Variants in APBA2 observed in about 807,000 individuals in gnomAD.
APBA2 encodes the protein amyloid beta precursor protein binding family A member 2, also known as amyloid-beta A4 precursor protein-binding family A member 2.
In APBA2, 30 loss-of-function variants were observed where a neutral mutation model predicts 75.0. The ratio of observed to expected loss-of-function variants is 0.40; its 90% confidence interval spans 0.30 to 0.54. APBA2 has a LOEUF of 0.54. APBA2 is among the 20% of genes least tolerant of loss of function. The pLI, the probability that APBA2 is intolerant of heterozygous loss-of-function variation, is 0.49. For synonymous variants in APBA2, 444 were observed against 409.6 expected, an observed-to-expected ratio of 1.08 and a Z score of -1.01; for missense variants, 801 against 1,016.1, an observed-to-expected ratio of 0.79 and a Z score of 2.88.
chr15:28,925,389 T>A (rs1000491625), intron 2 of APBA2, among the ~76,000 whole-genome samples: 2 of 152,218 alleles, frequency 1.3e-5, no homozygotes, highest in Non-Finnish European at 2.9e-5. Context: ...CTTCATAAAG[T>A]GAGGAAGTGT....
intron 2 of APBA2, among the ~76,000 whole-genome samples, chr15:28,979,294 A>C (rs954831088): frequency 2.0e-5 from 3 of 152,088 alleles, no homozygotes; most frequent in Non-Finnish European, 4.4e-5. Context: ...ATTCCTCAGC[A>C]TCACATGGTC....
chr15:29,076,006 A>G (rs1429561976), intron 5 of APBA2, 49 bp from the exon 6 acceptor site: 6 of 1,564,550 alleles, frequency 3.8e-6, no homozygotes, highest in African/African-American at 1.4e-5. Flanking sequence ...CTTGTGGGCT[A>G]CCTACTTAAC....
intron 2 of APBA2, among the ~76,000 whole-genome samples, chr15:28,994,892 G>C (rs927179981): frequency 1.3e-5 from 2 of 152,216 alleles, no homozygotes; most frequent in African/African-American, 4.8e-5. Context: ...TGAAGGGCTC[G>C]CAGCCTGGCC....
At position 28,991,409 on chromosome 15, in the gene APBA2, G is replaced by A. The variant is rs929392915; in HGVS notation, c.-94-4344G>A. On this transcript the variant is annotated intron_variant, in intron 2 of 14. Coordinates refer to ENST00000683413, the MANE Select transcript of APBA2 (RefSeq NM_001353788.2). The surrounding 1 kb of genome is among the most constrained non-coding windows in gnomAD (Gnocchi z 4.7). ...GAGCTACAGGGCCGGGCCGCAGGAG[G>A]CGTCCTTGTGCCGGAGCTCACCTTG... 1.3e-5 allele frequency among the ~76,000 whole-genome samples: 2 copies of A among 152,280 alleles called. No individual in the cohort carries two copies. The highest frequency in any genetic ancestry group is 6.5e-5 in the Admixed American group (1 of 15,302).
intron 14 of APBA2, among the ~76,000 whole-genome samples, chr15:29,114,564 C>T (rs867670938): frequency 4.6e-5 from 7 of 151,808 alleles, no homozygotes; most frequent in South Asian, 2.1e-4. Context: ...CTGGCCAGTG[C>T]GCAGCGGGTG....
intron 3 of APBA2, among the ~76,000 whole-genome samples, chr15:28,997,811 T>A (rs557587615): frequency 2.0e-5 from 3 of 152,138 alleles, no homozygotes; most frequent in Non-Finnish European, 4.4e-5. Flanking sequence ...TATTAGACGA[T>A]CAAAATCAAT....
intron 14 of APBA2, 44 bp from the exon 15 acceptor site, chr15:29,117,018 G>A: frequency 6.3e-7 from 1 of 1,585,998 alleles, no homozygotes; most frequent in African/African-American, 1.3e-5. Context: ...TTGTGGGAGG[G>A]GAGGTGGGAG....
intron 2 of APBA2, among the ~76,000 whole-genome samples, chr15:28,961,014 C>T (rs757511561): frequency 1.3e-5 from 2 of 152,144 alleles, no homozygotes; most frequent in Non-Finnish European, 2.9e-5. Context: ...CTGCCTCAGC[C>T]TCCCAGAGTG....
intron 3 of APBA2, among the ~76,000 whole-genome samples, chr15:29,032,184 G>T (rs545799138): frequency 1.3e-5 from 2 of 152,366 alleles, no homozygotes; most frequent in South Asian, 2.1e-4. Flanking sequence ...AGTCATGATG[G>T]TTAGTTTTGT....
At chr15:28,931,583 A>C (rs899957111) in intron 2 of APBA2, among the ~76,000 whole-genome samples, 1 of 152,146 alleles carries the variant, frequency 6.6e-6, no homozygotes, top group African/African-American at 2.4e-5. Flanking sequence ...CAGCCGGGGA[A>C]GCATCTGGCT....
intron 1 of APBA2, 89 bp from the exon 2 acceptor site, chr15:28,921,551 C>A (rs995266935): frequency 2.0e-5 from 3 of 152,244 alleles, no homozygotes; most frequent in African/African-American, 7.2e-5. Context: ...CCATCGTTGC[C>A]ATCCACACCT....
intron 7 of APBA2, among the ~76,000 whole-genome samples, chr15:29,093,538 T>C (rs2043690931): frequency 6.6e-6 from 1 of 152,270 alleles, no homozygotes; most frequent in African/African-American, 2.4e-5. Flanking sequence ...TGTGTATTTT[T>C]AGTGCCATTC....
chr15:28,961,832 A>G (rs941378421), intron 2 of APBA2, among the ~76,000 whole-genome samples: 3 of 152,116 alleles, frequency 2.0e-5, no homozygotes, highest in Non-Finnish European at 1.5e-5. Context: ...TAGATCCCGG[A>G]CGTTAGTATT....
At chr15:29,083,570 G>A (rs1468953362) in intron 6 of APBA2, among the ~76,000 whole-genome samples, 5 of 151,954 alleles carry the variant, frequency 3.3e-5, no homozygotes, top group African/African-American at 7.3e-5. Flanking sequence ...TCACTCTGTC[G>A]CCCAGGCTGG....
intron 1 of APBA2, among the ~76,000 whole-genome samples, chr15:28,896,872 A>T (rs964970699): frequency 6.6e-6 from 1 of 152,194 alleles, no homozygotes; most frequent in African/African-American, 2.4e-5. Flanking sequence ...TTAATTTGGG[A>T]CTGATTTTTG....
chr15:28,989,704 A>G (rs2038117829), intron 2 of APBA2, among the ~76,000 whole-genome samples: 1 of 152,220 alleles, frequency 6.6e-6, no homozygotes, highest in African/African-American at 2.4e-5. Flanking sequence ...TTAGGAGAGA[A>G]CAATGACGAG....
intron 2 of APBA2, among the ~76,000 whole-genome samples, chr15:28,981,285 C>T (rs979878525): frequency 1.3e-5 from 2 of 152,162 alleles, no homozygotes; most frequent in African/African-American, 4.8e-5. Flanking sequence ...CACAACTCTA[C>T]AAGGAGCTTA....
intron 2 of APBA2, among the ~76,000 whole-genome samples, chr15:28,927,378 A>G (rs1226454752): frequency 6.7e-6 from 1 of 149,224 alleles, no homozygotes; most frequent in Non-Finnish European, 1.5e-5. Context: ...TATTTACTCT[A>G]TTTGGTGTTC....
chr15:29,086,839 A>G (rs925449503), intron 6 of APBA2, among the ~76,000 whole-genome samples: 1 of 152,242 alleles, frequency 6.6e-6, no homozygotes, highest in Non-Finnish European at 1.5e-5. Flanking sequence ...TTATAATTAT[A>G]TAAAATAATT....
Sources: gnomAD v4.1 joint callset for allele counts (sites outside exome capture counted in the v4.1 genomes callset) on GRCh38, gnomAD v4.1.1 for gene constraint, Gnocchi (gnomAD v3.1) non-coding constraint, MANE v1.5 for transcripts, NCBI Gene and HGNC (gene_info 2026-07-23, HGNC 2026-07-21) for gene names.